C13orf42: variants seen among roughly 807,000 people sequenced by gnomAD.
The protein encoded by C13orf42 is uncharacterized protein C13orf42.
chr13:51,112,315 T>C (rs1318709455), upstream of C13orf42, among the ~76,000 whole-genome samples: 1 of 152,214 alleles, frequency 6.6e-6, no homozygotes, highest in Non-Finnish European at 1.5e-5. Flanking sequence ...ACTGAATGAA[T>C]GTATTAGCAT....
chr13:51,125,645 G>GC (rs1230640502), intron 1 of C13orf42, among the ~76,000 whole-genome samples: 2 of 152,156 alleles, frequency 1.3e-5, no homozygotes, highest in Non-Finnish European at 2.9e-5. Context: ...CACTGTGGAT[G>GC]CCAGCACCAA....
intron 1 of C13orf42, among the ~76,000 whole-genome samples, chr13:51,121,437 T>C (rs1953534715): frequency 6.6e-6 from 1 of 152,206 alleles, no homozygotes; most frequent in Admixed American, 6.5e-5. Flanking sequence ...GAATAACTTT[T>C]GTATGGGGTA....
intron 1 of C13orf42, among the ~76,000 whole-genome samples, chr13:51,129,001 C>G (rs1457807686): frequency 6.6e-6 from 1 of 152,168 alleles, no homozygotes; most frequent in East Asian, 1.9e-4. Context: ...TGGATGTCGA[C>G]CAGGCATACT....
At chr13:51,154,005 C>T (rs575653279) in intron 1 of C13orf42, among the ~76,000 whole-genome samples, 2 of 152,124 alleles carry the variant, frequency 1.3e-5, no homozygotes, top group African/African-American at 4.8e-5. Flanking sequence ...TTTTCCCCTA[C>T]CCCCAGCCCC....
chr13:51,118,149 G>A (rs1375974265), intron 1 of C13orf42, among the ~76,000 whole-genome samples: 2 of 152,158 alleles, frequency 1.3e-5, no homozygotes, highest in African/African-American at 4.8e-5. Context: ...GTCAGAGGGA[G>A]GCAAGCAACA....
At chr13:51,108,927 T>C (rs1433140875) in intron 1 of C13orf42, among the ~76,000 whole-genome samples, 1 of 152,204 alleles carries the variant, frequency 6.6e-6, no homozygotes, top group East Asian at 1.9e-4. Context: ...ATTCCCTCCA[T>C]CTTCAGATAG....
chr13:51,120,467 T>C (rs1228589081), intron 1 of C13orf42, among the ~76,000 whole-genome samples: 1 of 152,206 alleles, frequency 6.6e-6, no homozygotes. Context: ...CTTCTAGATA[T>C]GTAGTGGGAG....
At chr13:51,122,018 T>C (rs1953539779) in intron 1 of C13orf42, among the ~76,000 whole-genome samples, 1 of 152,196 alleles carries the variant, frequency 6.6e-6, no homozygotes, top group African/African-American at 2.4e-5. Context: ...TACGTGTCTG[T>C]ATAATAAATA....
At chr13:51,121,747 G>A (rs780092749) in intron 1 of C13orf42, among the ~76,000 whole-genome samples, 28 of 152,204 alleles carry the variant, frequency 1.8e-4, no homozygotes, top group Non-Finnish European at 3.4e-4. Context: ...ATGTTGGCCA[G>A]GCTGGTTTCA....
chr13:51,103,934 A>G (rs1375930186), intron 1 of C13orf42, among the ~76,000 whole-genome samples: 18 of 152,158 alleles, frequency 1.2e-4, no homozygotes, highest in Admixed American at 1.2e-3. Flanking sequence ...TTTGGAATGA[A>G]AAAGTTGTGG....
chr13:51,095,681 C>A (rs1454191671), intron 1 of C13orf42, among the ~76,000 whole-genome samples: 1 of 152,080 alleles, frequency 6.6e-6, no homozygotes, highest in Non-Finnish European at 1.5e-5. Flanking sequence ...TTCTGTGCTG[C>A]TCATTTCCGG....
chr13:51,113,479 C>T (rs1953454705), upstream of C13orf42, among the ~76,000 whole-genome samples: 2 of 152,102 alleles, frequency 1.3e-5, no homozygotes, highest in Admixed American at 1.3e-4. Flanking sequence ...ATAGTGACTG[C>T]CTTTAACGTA....
intron 1 of C13orf42, among the ~76,000 whole-genome samples, chr13:51,107,277 C>T (rs1160002117): frequency 6.6e-6 from 1 of 152,098 alleles, no homozygotes; most frequent in African/African-American, 2.4e-5. Context: ...CCAGTAATGG[C>T]TTGTGAAATC....
chr13:51,138,133 G>A (rs1026720934), intron 1 of C13orf42, among the ~76,000 whole-genome samples: 15 of 152,148 alleles, frequency 9.9e-5, no homozygotes, highest in African/African-American at 3.6e-4. Context: ...CGAGGAGGAG[G>A]GGCAGAGGAT....
At chr13:51,161,096 T>C (rs1953861012) in intron 1 of C13orf42, among the ~76,000 whole-genome samples, 1 of 96,918 alleles carries the variant, frequency 1.0e-5, no homozygotes, top group African/African-American at 3.0e-5. Context: ...TCTTTTTTTT[T>C]TTCCAGTTGC....
chr13:51,120,138 A>G (rs774659430), intron 1 of C13orf42, among the ~76,000 whole-genome samples: 13 of 152,220 alleles, frequency 8.5e-5, no homozygotes, highest in Non-Finnish European at 1.6e-4. Flanking sequence ...TAGAGGTTCC[A>G]CTTGAGAATT....
chr13:51,163,906 C>G (rs1953885374), intron 1 of C13orf42, among the ~76,000 whole-genome samples: 1 of 151,928 alleles, frequency 6.6e-6, no homozygotes, highest in Non-Finnish European at 1.5e-5. Context: ...GGAATAGAGT[C>G]ATAAGAACAG....
chr13:51,165,283 A>G (rs979140947), intron 1 of C13orf42, among the ~76,000 whole-genome samples: 4 of 152,208 alleles, frequency 2.6e-5, no homozygotes, highest in Non-Finnish European at 5.9e-5. Context: ...TTTTTCAGTT[A>G]AAGTAGCCAC....
At chr13:51,162,040 A>G in intron 1 of C13orf42, 1 of 369,808 alleles carries the variant, frequency 2.7e-6, no homozygotes, top group Non-Finnish European at 5.3e-6. Context: ...GCAGGCCAGT[A>G]CAACATGCTG....
Sources: allele counts gnomAD v4.1 joint callset (sites outside exome capture counted in the v4.1 genomes callset), GRCh38; gene constraint gnomAD v4.1.1; transcripts MANE v1.5; gene names NCBI Gene and HGNC (gene_info 2026-07-23, HGNC 2026-07-21).